ATG5: variants seen among roughly 807,000 people sequenced by gnomAD.
The protein encoded by ATG5 is autophagy protein 5.
Under a neutral mutation model 36.5 loss-of-function variants are expected in ATG5, and 14 were observed. That is an observed-to-expected ratio of 0.38 (90% CI 0.25 to 0.60). The LOEUF (loss-of-function observed/expected upper bound fraction) is 0.60. ATG5 is among the 20% of genes least tolerant of loss of function. The pLI is 0.60. For missense variants in ATG5, 195 were observed against 326.7 expected, an observed-to-expected ratio of 0.60 and a Z score of 3.11; for synonymous variants, 95 against 101.5, an observed-to-expected ratio of 0.94 and a Z score of 0.38.
At chr6:106,205,585 A>T (rs1038537177) in intron 6 of ATG5, among the ~76,000 whole-genome samples, 1 of 152,212 alleles carries the variant, frequency 6.6e-6, no homozygotes, top group Non-Finnish European at 1.5e-5. Context: ...CTGAAAAAAA[A>T]TGCTAAACAG....
At chr6:106,274,612 T>C (rs1404650794) in intron 5 of ATG5, among the ~76,000 whole-genome samples, 1 of 152,160 alleles carries the variant, frequency 6.6e-6, no homozygotes, top group Non-Finnish European at 1.5e-5. Flanking sequence ...TAATAAAAAC[T>C]TCTTTTGGAA....
At chr6:106,241,310 G>A (rs1778115355) in intron 6 of ATG5, among the ~76,000 whole-genome samples, 1 of 152,184 alleles carries the variant, frequency 6.6e-6, no homozygotes, top group East Asian at 1.9e-4. Flanking sequence ...CATCCCACAT[G>A]CATTAGGATG....
At chr6:106,322,793 T>G (rs2763221) in intron 1 of ATG5, among the ~76,000 whole-genome samples, 2 of 152,218 alleles carry the variant, frequency 1.3e-5, no homozygotes, top group Non-Finnish European at 2.9e-5. Flanking sequence ...TTTTATCTTC[T>G]GTCCAGACTT....
intron 7 of ATG5, among the ~76,000 whole-genome samples, chr6:106,188,722 T>G (rs927660323): frequency 2.0e-5 from 3 of 152,204 alleles, no homozygotes; most frequent in African/African-American, 7.2e-5. Flanking sequence ...TAAGTAGCAC[T>G]GATTCTCTGG....
At chr6:106,237,998 A>T (rs1213000268) in intron 6 of ATG5, among the ~76,000 whole-genome samples, 2 of 152,184 alleles carry the variant, frequency 1.3e-5, no homozygotes, top group Non-Finnish European at 2.9e-5. Flanking sequence ...CTGACCTTAG[A>T]TTACTATCAT....
rs1193861756 is a variant in ATG5 at position 106,185,822 on chromosome 6, T to C, written c.*718A>G. The stretch of plus-strand genomic sequence containing the variant: ...AATCCTATGCCCTATATCCACCCCA[T>C]GCCAATGACGACCAGTCAAAATGGT... On this transcript the variant is annotated 3_prime_UTR_variant, in exon 8 of 8. Coordinates refer to ENST00000369076, the MANE Select transcript of ATG5 (RefSeq NM_004849.4). The C allele has an allele frequency of 6.6e-6, 1 of 152,528 alleles. No homozygotes were observed. Among genetic ancestry groups the C allele is most frequent in the Non-Finnish European group, 1.5e-5 (1 of 68,042 alleles). 9.4% of individuals were successfully genotyped at this position (152,528 alleles called of 1,614,324 possible).
At chr6:106,214,712 T>A (rs987948521) in intron 6 of ATG5, among the ~76,000 whole-genome samples, 2 of 152,210 alleles carry the variant, frequency 1.3e-5, no homozygotes, top group Non-Finnish European at 2.9e-5. Flanking sequence ...CGCAACACTT[T>A]GTTTCCTCTT....
At chr6:106,316,933 C>T (rs1240355878) in intron 1 of ATG5, among the ~76,000 whole-genome samples, 1 of 152,062 alleles carries the variant, frequency 6.6e-6, no homozygotes, top group Non-Finnish European at 1.5e-5. Flanking sequence ...TAGTATGCTC[C>T]TCTCTCACTT....
In ATG5 at chr6:106,239,190, T is replaced by C. The variant is rs572535582; in HGVS notation, c.573+8960A>G. On this transcript the variant is annotated intron_variant, in intron 6 of 7. Coordinates refer to ENST00000369076, the MANE Select transcript of ATG5 (RefSeq NM_004849.4). ...AAAAAAAAAGTTTGTAAAAACACAATAGGATGAGATTTTTGTTTTTCCAAT... is the reference window on the plus strand; with the variant it reads ...AAAAAAAAAGTTTGTAAAAACACAACAGGATGAGATTTTTGTTTTTCCAAT... Among the ~76,000 whole-genome samples the C allele has an allele frequency of 7.3e-5, 11 of 151,504 alleles. No homozygotes were observed. In the South Asian group the frequency reaches 1.5e-3, roughly 20 times the overall value.
intron 7 of ATG5, among the ~76,000 whole-genome samples, chr6:106,197,002 C>T (rs372846400): frequency 6.6e-6 from 1 of 152,058 alleles, no homozygotes; most frequent in South Asian, 2.1e-4. Context: ...CAAGGGAGAC[C>T]CCCCACTTAT....
At chr6:106,318,624 A>G (rs566712682) in intron 1 of ATG5, among the ~76,000 whole-genome samples, 2 of 152,310 alleles carry the variant, frequency 1.3e-5, no homozygotes, top group South Asian at 4.1e-4. Flanking sequence ...TATTTTTTGC[A>G]AGACCTCAAG....
intron 2 of ATG5, among the ~76,000 whole-genome samples, chr6:106,309,749 T>C (rs944411690): frequency 1.3e-5 from 2 of 152,114 alleles, no homozygotes; most frequent in Non-Finnish European, 2.9e-5. Context: ...GACATTAAAG[T>C]CTCTTTAAAA....
chr6:106,236,545 G>A (rs757261817), intron 6 of ATG5, among the ~76,000 whole-genome samples: 7 of 152,158 alleles, frequency 4.6e-5, no homozygotes, highest in South Asian at 2.1e-4. Flanking sequence ...TCTAGGGAAC[G>A]TGAAGTAGTA....
intron 7 of ATG5, among the ~76,000 whole-genome samples, chr6:106,197,457 G>A (rs779367439): frequency 9.8e-5 from 13 of 132,104 alleles, no homozygotes; most frequent in East Asian, 2.4e-4. Flanking sequence ...GCTTGTCCCC[G>A]CCAAACCTCG....
At chr6:106,310,595 A>G (rs1280612972) in intron 2 of ATG5, among the ~76,000 whole-genome samples, 1 of 152,062 alleles carries the variant, frequency 6.6e-6, no homozygotes, top group Admixed American at 6.5e-5. Flanking sequence ...TACCATTTAA[A>G]CCATTTTTAA....
chr6:106,263,881 A>AC (rs1394184225), intron 5 of ATG5, among the ~76,000 whole-genome samples: 2 of 151,826 alleles, frequency 1.3e-5, no homozygotes, highest in Admixed American at 1.3e-4. Context: ...AAAGATGGAA[A>AC]AAAAAAAAAA....
At chr6:106,253,871 C>A (rs1206380798) in intron 5 of ATG5, among the ~76,000 whole-genome samples, 1 of 152,122 alleles carries the variant, frequency 6.6e-6, no homozygotes, top group East Asian at 1.9e-4. Flanking sequence ...GCATCTGGGG[C>A]AGACTGCTCC....
At chr6:106,204,629 G>T (rs950017279) in intron 6 of ATG5, among the ~76,000 whole-genome samples, 1 of 152,058 alleles carries the variant, frequency 6.6e-6, no homozygotes, top group Non-Finnish European at 1.5e-5. Context: ...TGTTGTTCTC[G>T]TGATACTGAG....
intron 5 of ATG5, among the ~76,000 whole-genome samples, chr6:106,256,937 CTT>C (rs1346467966): frequency 6.6e-6 from 1 of 152,198 alleles, no homozygotes; most frequent in Non-Finnish European, 1.5e-5. Context: ...ACATTTTCAA[CTT>C]TTGAGTCTTT....
Sources: allele counts gnomAD v4.1 joint callset (sites outside exome capture counted in the v4.1 genomes callset), GRCh38; gene constraint gnomAD v4.1.1; transcripts MANE v1.5; gene names NCBI Gene and HGNC (gene_info 2026-07-23, HGNC 2026-07-21).